The following TLE5 variants were observed in gnomAD, a reference collection of about 807,000 sequenced individuals.
TLE5 encodes TLE family member 5, transcriptional modulator, also known as TLE family member 5.
TLE5 carries 7 observed loss-of-function variants against 25.8 expected under a neutral mutation model. The ratio of observed to expected loss-of-function variants is 0.27; its 90% confidence interval spans 0.15 to 0.51. The LOEUF (loss-of-function observed/expected upper bound fraction) is 0.51, where lower values mean the gene tolerates loss of function less well. Among genes scored for constraint, TLE5 ranks in the 20% least tolerant of loss-of-function variants. The pLI is 0.97. For synonymous variants in TLE5, 132 were observed against 110.5 expected, an observed-to-expected ratio of 1.20 and a Z score of -1.22; for missense variants, 149 against 250.7, an observed-to-expected ratio of 0.59 and a Z score of 2.74.
intron 2 of TLE5, among the ~76,000 whole-genome samples, chr19:3,059,885 G>A (rs1471742380): frequency 2.6e-5 from 4 of 152,140 alleles, no homozygotes; most frequent in South Asian, 2.1e-4. Context: ...CAGCACCTTC[G>A]ACTGTCAGTG....
chr19:3,061,307 C>T, intron 1 of TLE5, 50 bp from the exon 2 acceptor site: 1 of 1,454,650 alleles, frequency 6.9e-7, no homozygotes. Context: ...GCTGGACCCC[C>T]CTCAAGGGCC....
intron 1 of TLE5, chr19:3,061,467 C>T (rs968481691): frequency 3.9e-5 from 15 of 379,752 alleles, no homozygotes; most frequent in Non-Finnish European, 6.2e-5. Flanking sequence ...CGCCCGGAGC[C>T]GCCCCGTCCC....
chr19:3,061,478 C>G (rs1471321014), intron 1 of TLE5: 1 of 363,510 alleles, frequency 2.8e-6, no homozygotes. Flanking sequence ...GCCCCGTCCC[C>G]CGCCACCCCC....
intron 2 of TLE5, 52 bp from the exon 3 acceptor site, chr19:3,057,794 C>T (rs761184364): frequency 1.9e-6 from 3 of 1,551,250 alleles, no homozygotes; most frequent in South Asian, 2.3e-5. Flanking sequence ...TGGGCGGGAG[C>T]CCCCCACCCT....
chr19:3,059,151 T>C (rs1377681128), intron 2 of TLE5, among the ~76,000 whole-genome samples: 1 of 152,232 alleles, frequency 6.6e-6, no homozygotes, highest in Non-Finnish European at 1.5e-5. Context: ...AGGGATGCTT[T>C]GGCCGCCACC....
intron 4 of TLE5, 113 bp from the exon 5 acceptor site, chr19:3,055,839 G>T: frequency 8.2e-7 from 1 of 1,226,610 alleles, no homozygotes; most frequent in East Asian, 2.5e-5. Flanking sequence ...GCTTCTAAGA[G>T]GGGCTAGGTC....
intron 2 of TLE5, among the ~76,000 whole-genome samples, chr19:3,058,464 G>C (rs956490626): frequency 6.6e-6 from 1 of 152,200 alleles, no homozygotes; most frequent in African/African-American, 2.4e-5. Flanking sequence ...AGAGGGTCTG[G>C]GGCTGCAAGG....
chr19:3,060,532 A>G (rs1212081809), intron 2 of TLE5, among the ~76,000 whole-genome samples: 1 of 151,686 alleles, frequency 6.6e-6, no homozygotes, highest in Non-Finnish European at 1.5e-5. Flanking sequence ...GGGTTTCACC[A>G]TGTTGGCCAG....
At chr19:3,054,086 T>TCGGGGGGGGGGG in intron 6 of TLE5, 34 bp downstream of exon 6, 59 of 1,512,362 alleles carry the variant, frequency 3.9e-5, no homozygotes, top group Non-Finnish European at 4.5e-5. Flanking sequence ...GGCCCACCTG[T>TCGGGGGGGGGGG]CCCCCGCCCA....
Position 3,061,263 on chromosome 19 carries a change from G to C in TLE5, c.28-6C>G. 6.2e-7 allele frequency: 1 copy of C among 1,610,134 alleles called. No homozygotes were observed. Among genetic ancestry groups the C allele is most frequent in the Non-Finnish European group, 8.5e-7 (1 of 1,177,018 alleles). ...TGGGGTAGGTGCGAGGAGCCCTGTAGGGATGGGGCGGCCCGGGTCAGGCCC... is the reference window on the plus strand; with the variant it reads ...TGGGGTAGGTGCGAGGAGCCCTGTACGGATGGGGCGGCCCGGGTCAGGCCC... On this transcript the variant is annotated splice_polypyrimidine_tract_variant and splice_region_variant and intron_variant, in intron 1 of 6. Transcript: ENST00000327141.
intron 6 of TLE5, 34 bp downstream of exon 6, chr19:3,054,086 T>TGGGGGGGGGGGGCC: frequency 4.6e-6 from 7 of 1,512,730 alleles, no homozygotes; most frequent in Non-Finnish European, 6.2e-6. Flanking sequence ...GGCCCACCTG[T>TGGGGGGGGGGGGCC]CCCCCGCCCA....
At chr19:3,060,323 TC>T (rs1252486605) in intron 2 of TLE5, among the ~76,000 whole-genome samples, 3 of 130,582 alleles carry the variant, frequency 2.3e-5, no homozygotes, top group African/African-American at 6.3e-5. Flanking sequence ...TTTCTTTTTT[TC>T]TTTCTTTTTT....
Position 3,055,225 on chromosome 19 carries a change from G to A in TLE5, c.297+439C>T, listed in dbSNP as rs1716394733. 2.6e-5 allele frequency: 4 copies of A among 155,794 alleles called. No individual in the cohort carries two copies. In the Admixed American group the frequency reaches 2.6e-4, roughly 10 times the overall value. The allele number at this position is 155,794 out of a possible 1,614,324, so 9.7% of individuals were successfully genotyped here. On this transcript the variant is annotated intron_variant, in intron 5 of 6. Transcript: ENST00000327141. ...TTGATGTGCTCGTGCCTATCTGTGT[G>A]GCTGTGTCCATGTGTGACCACCCTG... is the stretch of plus-strand genomic sequence containing the variant.
intron 2 of TLE5, among the ~76,000 whole-genome samples, chr19:3,059,596 G>A (rs307718): frequency 0.7 from 107,117 of 152,142 alleles, 38,435 homozygotes; most frequent in African/African-American, 0.82. Flanking sequence ...AAATAGGATG[G>A]TCTGGCCACC....
In TLE5 at chr19:3,062,296, G is replaced by T; in HGVS notation, c.-96C>A. 1 of 986,790 alleles carries T rather than the reference G, an allele frequency of 1.0e-6. No individual in the cohort carries two copies. The highest frequency in any genetic ancestry group is 4.6e-5 in the South Asian group (1 of 21,874). 61.1% of individuals were successfully genotyped at this position (986,790 alleles called of 1,614,324 possible). ...GCGGCCGCGCCTTTGTCCCGGCGCC[G>T]ATCGGCAGCTCCCGGGGCCGCCGCC... is the stretch of plus-strand genomic sequence containing the variant. On this transcript the variant is annotated 5_prime_UTR_variant, in exon 1 of 7. Transcript: ENST00000327141.
Position 3,053,734 on chromosome 19 carries a change from T to G in TLE5, c.*85A>C, listed in dbSNP as rs542968847. The G allele has an allele frequency of 1.4e-6, 2 of 1,448,244 alleles. No individual in the cohort carries two copies. The highest frequency in any genetic ancestry group is 1.9e-6 in the Non-Finnish European group (2 of 1,065,786). The allele number at this position is 1,448,244 out of a possible 1,614,324, so 89.7% of individuals were successfully genotyped here. A position where few individuals can be genotyped will look rare whatever the true frequency, so the allele number is the denominator to read the frequency against. ...GAGTTTAGCCAATCCCGAGCTCCGC[T>G]GTGTCTTGTGCTAAACATTCCTTTC... On this transcript the variant is annotated 3_prime_UTR_variant, in exon 7 of 7. Coordinates refer to ENST00000327141, the MANE Select transcript of TLE5 (RefSeq NM_001130.6).
chr19:3,062,247 G>A lies in TLE5; in HGVS notation c.-47C>T. 9.3e-7 allele frequency: 1 copy of A among 1,079,662 alleles called. No individual in the cohort carries two copies. Among genetic ancestry groups the A allele is most frequent in the Non-Finnish European group, 1.1e-6 (1 of 889,904 alleles). The allele number at this position is 1,079,662 out of a possible 1,614,324, so 66.9% of individuals were successfully genotyped here. On this transcript the variant is annotated 5_prime_UTR_variant, in exon 1 of 7. Coordinates refer to ENST00000327141, the MANE Select transcript of TLE5 (RefSeq NM_001130.6). ...GGGCTGCGCCCCGGCTGTGCGCCCC[G>A]GCTCGGGCTGCTGGGGGCGCCGGGC...
chr19:3,062,900 C>G (rs371133224), upstream of TLE5: 163 of 1,210,854 alleles, frequency 1.3e-4, 1 homozygote, highest in East Asian at 2.3e-3. Flanking sequence ...ATGCCGCCTT[C>G]CTGAGGGAAG....
chr19:3,057,012 C>G (rs2090225046), intron 3 of TLE5, among the ~76,000 whole-genome samples: 1 of 152,170 alleles, frequency 6.6e-6, no homozygotes, highest in African/African-American at 2.4e-5. Context: ...AGGTCCCTCT[C>G]TCTGACCCCA....
Sources: allele counts gnomAD v4.1 joint callset (sites outside exome capture counted in the v4.1 genomes callset), GRCh38; gene constraint gnomAD v4.1.1; transcripts MANE v1.5; gene names NCBI Gene and HGNC (gene_info 2026-07-23, HGNC 2026-07-21).